Variants in NEGR1 observed in about 807,000 individuals in gnomAD.
NEGR1 encodes the protein neuronal growth regulator 1, also known as IgLON family member 4.
In NEGR1, 10 loss-of-function variants were observed where a neutral mutation model predicts 40.9. That is an observed-to-expected ratio of 0.24 (90% CI 0.15 to 0.42). The LOEUF is 0.42. Ranked by LOEUF, NEGR1 falls within the 10% of genes least tolerant of loss-of-function variation. The probability of loss-of-function intolerance (pLI) is 1.00; values close to 1 mark genes in which losing one functional copy is unlikely to be tolerated. For missense variants in NEGR1, 352 were observed against 438.9 expected (o/e 0.80, Z 1.77); for synonymous variants, 185 against 166.8 (o/e 1.11, Z -0.84).
At chr1:71,750,147 C>T (rs1161932431) in intron 3 of NEGR1, among the ~76,000 whole-genome samples, 1 of 152,004 alleles carries the variant, frequency 6.6e-6, no homozygotes, top group Non-Finnish European at 1.5e-5. Flanking sequence ...GCGCCCGCCA[C>T]CGCGCCCGGC....
At chr1:71,599,972 A>T (rs1238660669) in intron 5 of NEGR1, among the ~76,000 whole-genome samples, 1 of 152,184 alleles carries the variant, frequency 6.6e-6, no homozygotes, top group Non-Finnish European at 1.5e-5. Flanking sequence ...TCTAATATCA[A>T]TATGCCCATG....
intron 5 of NEGR1, among the ~76,000 whole-genome samples, chr1:71,609,158 C>A (rs567577056): frequency 6.6e-6 from 1 of 151,650 alleles, no homozygotes; most frequent in African/African-American, 2.4e-5. Context: ...ATTTAACAAC[C>A]CAAATTATAG....
intron 3 of NEGR1, among the ~76,000 whole-genome samples, chr1:71,743,457 T>A (rs546675919): frequency 6.6e-6 from 1 of 152,248 alleles, no homozygotes; most frequent in African/African-American, 2.4e-5. Flanking sequence ...ACTAAAATTT[T>A]TATAACTATA....
chr1:71,577,268 A>C (rs1648995305), intron 6 of NEGR1, among the ~76,000 whole-genome samples: 1 of 152,198 alleles, frequency 6.6e-6, no homozygotes. Context: ...TAAAATGTAG[A>C]TGAAATAATT....
intron 4 of NEGR1, among the ~76,000 whole-genome samples, chr1:71,695,423 C>T (rs966830426): frequency 1.3e-5 from 2 of 151,690 alleles, no homozygotes; most frequent in African/African-American, 4.8e-5. Context: ...AATATGTCGA[C>T]TTATAACTGT....
chr1:72,269,372 T>G (rs980804721), intron 1 of NEGR1, among the ~76,000 whole-genome samples: 1 of 151,592 alleles, frequency 6.6e-6, no homozygotes, highest in Non-Finnish European at 1.5e-5. Context: ...AGGATGGGCA[T>G]TCAGATGATT....
At chr1:72,185,757 G>GT (rs1455489286) in intron 1 of NEGR1, among the ~76,000 whole-genome samples, 4 of 151,820 alleles carry the variant, frequency 2.6e-5, no homozygotes. Flanking sequence ...CTGTTTGGAT[G>GT]TTTAAGATGT....
intron 1 of NEGR1, among the ~76,000 whole-genome samples, chr1:72,107,299 G>A (rs1311705907): frequency 2.6e-5 from 4 of 151,326 alleles, no homozygotes; most frequent in African/African-American, 4.8e-5. Flanking sequence ...TATTTATACC[G>A]TGGAGTCTAT....
intron 1 of NEGR1, among the ~76,000 whole-genome samples, chr1:72,277,598 A>G (rs1656101515): frequency 6.6e-6 from 1 of 152,188 alleles, no homozygotes; most frequent in African/African-American, 2.4e-5. Context: ...GCAAATCAAT[A>G]TAGGTAACAT....
At chr1:71,921,794 A>G (rs1422563751) in intron 2 of NEGR1, among the ~76,000 whole-genome samples, 1 of 149,954 alleles carries the variant, frequency 6.7e-6, no homozygotes, top group Admixed American at 6.7e-5. Flanking sequence ...AATATGTGTT[A>G]ATTGACTATG....
intron 2 of NEGR1, among the ~76,000 whole-genome samples, chr1:71,810,048 T>C (rs1449855713): frequency 2.0e-5 from 3 of 152,142 alleles, no homozygotes; most frequent in East Asian, 1.9e-4. Context: ...TTATGAACCA[T>C]AAGCTGCTCA....
chr1:72,031,760 C>T (rs2100440072), intron 1 of NEGR1, among the ~76,000 whole-genome samples: 1 of 152,094 alleles, frequency 6.6e-6, no homozygotes, highest in Non-Finnish European at 1.5e-5. Flanking sequence ...AGAGGGGAAC[C>T]AGGAAATGGC....
intron 6 of NEGR1, among the ~76,000 whole-genome samples, chr1:71,522,408 C>A (rs1205341777): frequency 2.6e-5 from 4 of 151,824 alleles, no homozygotes; most frequent in Non-Finnish European, 5.9e-5. Flanking sequence ...ATGATGACTA[C>A]CTTTGTGTCT....
intron 1 of NEGR1, among the ~76,000 whole-genome samples, chr1:72,163,526 G>A (rs906735564): frequency 4.6e-5 from 7 of 152,040 alleles, no homozygotes; most frequent in East Asian, 1.9e-4. Context: ...GGAGACATGA[G>A]AATGTAGTTT....
chr1:71,952,619 T>C (rs367887282), intron 1 of NEGR1, among the ~76,000 whole-genome samples: 1 of 151,994 alleles, frequency 6.6e-6, no homozygotes, highest in East Asian at 1.9e-4. Context: ...TTGATGAAGA[T>C]GTCTACATTA....
At chr1:71,491,338 C>G (rs1646926403) in intron 6 of NEGR1, among the ~76,000 whole-genome samples, 1 of 151,946 alleles carries the variant, frequency 6.6e-6, no homozygotes, top group Non-Finnish European at 1.5e-5. Flanking sequence ...CAAGGGAGGT[C>G]TGAGAACCAT....
intron 1 of NEGR1, among the ~76,000 whole-genome samples, chr1:71,985,314 C>A (rs1646385253): frequency 6.6e-6 from 1 of 152,160 alleles, no homozygotes; most frequent in Non-Finnish European, 1.5e-5. Context: ...CTTGAATTCG[C>A]TCCCTTCTCT....
chr1:71,434,029 T>C (rs1436687182), intron 6 of NEGR1, among the ~76,000 whole-genome samples: 1 of 152,208 alleles, frequency 6.6e-6, no homozygotes, highest in Non-Finnish European at 1.5e-5. Context: ...TCAAATTGTG[T>C]TTATATGCAG....
At chr1:71,605,874 A>T (rs1650059199) in intron 5 of NEGR1, among the ~76,000 whole-genome samples, 1 of 152,202 alleles carries the variant, frequency 6.6e-6, no homozygotes, top group African/African-American at 2.4e-5. Context: ...ACTAGTATAT[A>T]GCATTAGCCA....
Sources: allele counts gnomAD v4.1 joint callset (sites outside exome capture counted in the v4.1 genomes callset), GRCh38; gene constraint gnomAD v4.1.1; transcripts MANE v1.5; gene names NCBI Gene and HGNC (gene_info 2026-07-23, HGNC 2026-07-21).